The following GABRB1 variants were observed in gnomAD, a reference collection of about 807,000 sequenced individuals.
GABRB1 encodes the protein gamma-aminobutyric acid type A receptor subunit beta1.
Under a neutral mutation model 51.6 loss-of-function variants are expected in GABRB1, and 17 were observed. The observed-to-expected ratio is 0.33, with a 90% CI of 0.23 to 0.49. GABRB1 has a LOEUF of 0.49. Among genes scored for constraint, GABRB1 ranks in the 20% least tolerant of loss-of-function variants. The pLI is 0.99. For synonymous variants in GABRB1, 247 were observed against 218.9 expected, an observed-to-expected ratio of 1.13 and a Z score of -1.14; for missense variants, 410 against 600.6, an observed-to-expected ratio of 0.68 and a Z score of 3.32.
At chr4:47,126,300 A>C (rs912144653) in intron 3 of GABRB1, among the ~76,000 whole-genome samples, 1 of 152,170 alleles carries the variant, frequency 6.6e-6, no homozygotes, top group Non-Finnish European at 1.5e-5. Flanking sequence ...CAGGTTATAA[A>C]GGCTCAGTTA....
intron 4 of GABRB1, among the ~76,000 whole-genome samples, chr4:47,218,591 C>T (rs377027231): frequency 1.8e-4 from 27 of 151,812 alleles, no homozygotes; most frequent in African/African-American, 6.0e-4. Context: ...ATTATTAATG[C>T]TGAGCATTTT....
At position 47,426,007 on chromosome 4, in the gene GABRB1, T is replaced by C; in HGVS notation, c.1414T>C (p.Tyr472His). The change falls in exon 9 of 9, where the codon TAT (tyrosine) becomes CAT (histidine). Residue 472 changes from tyrosine (Y) to histidine (H), a missense_variant. Transcript: ENST00000295454. ...SLFNVVYWLY[Y>H]VH ...TTTTAATGTCGTCTATTGGCTTTAC[T>C]ATGTACACTGAGGTCTGTTCTAATG... 1.3e-6 allele frequency: 2 copies of C among 1,590,974 alleles called. No individual in the cohort carries two copies. Among genetic ancestry groups the C allele is most frequent in the Non-Finnish European group, 1.7e-6 (2 of 1,166,912 alleles).
chr4:47,422,588 C>A lies in GABRB1; in HGVS notation c.1081-3086C>A, dbSNP rs115284409. ...GACACCCTTCTCCCTCCTTGAGTTTCTCTTCATAGCAAGATGTTATTTGTT... is the reference window on the plus strand; with the variant it reads ...GACACCCTTCTCCCTCCTTGAGTTTATCTTCATAGCAAGATGTTATTTGTT... On this transcript the variant is annotated intron_variant, in intron 8 of 8. Coordinates refer to ENST00000295454, the MANE Select transcript of GABRB1 (RefSeq NM_000812.4). Among the ~76,000 whole-genome samples the A allele has an allele frequency of 9.7e-3, 1,483 of 152,256 alleles. 7 individuals carry two copies. The highest frequency in any genetic ancestry group is 0.016 in the Non-Finnish European group (1,095 of 68,006).
At chr4:47,032,721 G>T (rs748464784) in intron 3 of GABRB1, 3 of 703,046 alleles carry the variant, frequency 4.3e-6, no homozygotes, top group South Asian at 3.0e-5. Context: ...TGGGAAGGAC[G>T]AGTGACTGTT....
chr4:47,180,928 G>C (rs1402081939), intron 4 of GABRB1, among the ~76,000 whole-genome samples: 1 of 151,842 alleles, frequency 6.6e-6, no homozygotes, highest in Admixed American at 6.6e-5. Flanking sequence ...TCTTTCTATT[G>C]TATTTTAGAA....
rs1726554387 is a variant in GABRB1 at position 47,055,575 on chromosome 4, C to A, written c.240+23091C>A. ...TCTGCTAGTCTGAAGTTAAACAGAT[C>A]CCACCATAGCAGAGATGGAGCCACC... On this transcript the variant is annotated intron_variant, in intron 3 of 8. Transcript: ENST00000295454. Among the ~76,000 whole-genome samples the A allele has an allele frequency of 3.3e-5, 5 of 152,280 alleles. No homozygotes were observed. The South Asian group carries it at 1.0e-3, about 32-fold the overall frequency.
At chr4:47,294,529 G>A (rs1723887675) in intron 4 of GABRB1, among the ~76,000 whole-genome samples, 1 of 152,246 alleles carries the variant, frequency 6.6e-6, no homozygotes, top group Admixed American at 6.5e-5. Flanking sequence ...AGATCAAACT[G>A]CAAGGTGGCA....
intron 4 of GABRB1, among the ~76,000 whole-genome samples, chr4:47,267,586 G>C (rs182197192): frequency 4.7e-4 from 72 of 152,252 alleles, no homozygotes; most frequent in Non-Finnish European, 9.3e-4. Flanking sequence ...CCTGCGGTCA[G>C]GAGTTCGAGA....
chr4:47,372,975 C>T lies in GABRB1; in HGVS notation c.545-30343C>T, dbSNP rs78633934. 1.7e-3 allele frequency among the ~76,000 whole-genome samples: 253 copies of T among 152,280 alleles called. 7 individuals carry two copies. The East Asian group carries it at 0.039, about 23-fold the overall frequency. On this transcript the variant is annotated intron_variant, in intron 5 of 8. Transcript: ENST00000295454. ...TCACCAAACCTCTTTCTGCTGGACC[C>T]ACATGCCCTGCAGGTAGCCAGCCCT...
In GABRB1 at chr4:47,032,687, G is replaced by A. The variant is rs560788447; in HGVS notation, c.240+203G>A. On this transcript the variant is annotated intron_variant, in intron 3 of 8. Transcript: ENST00000295454. ...ACACACGGGCTACTGCGGTGTTCCA[G>A]GGGAAACGTGCTCGGCACTATTTTG... 165 of 714,630 alleles carry A rather than the reference G, an allele frequency of 2.3e-4. No individual in the cohort carries two copies. In the African/African-American group the frequency reaches 2.6e-3, roughly 11 times the overall value. 44.3% of individuals were successfully genotyped at this position (714,630 alleles called of 1,614,324 possible).
intron 3 of GABRB1, among the ~76,000 whole-genome samples, chr4:47,070,712 CCTT>C (rs1452098516): frequency 6.6e-6 from 1 of 152,188 alleles, no homozygotes; most frequent in Non-Finnish European, 1.5e-5. Flanking sequence ...GTCAGCCACT[CCTT>C]CTCAGCTTCC....
intron 4 of GABRB1, among the ~76,000 whole-genome samples, chr4:47,196,870 A>C (rs1399939788): frequency 6.6e-6 from 1 of 152,230 alleles, no homozygotes; most frequent in East Asian, 1.9e-4. Context: ...CACTCTGTAG[A>C]GCAGTCCTTT....
intron 3 of GABRB1, among the ~76,000 whole-genome samples, chr4:47,157,467 T>C (rs570394330): frequency 1.1e-3 from 164 of 152,254 alleles, no homozygotes; most frequent in Non-Finnish European, 1.8e-3. Flanking sequence ...CAGATGTCAC[T>C]GTTAACCTTT....
intron 3 of GABRB1, among the ~76,000 whole-genome samples, chr4:47,051,898 G>A (rs1381556311): frequency 6.6e-6 from 1 of 152,188 alleles, no homozygotes; most frequent in African/African-American, 2.4e-5. Context: ...GGAGGCCGAG[G>A]TGGGCAGATC....
At chr4:47,193,121 G>A (rs933594840) in intron 4 of GABRB1, among the ~76,000 whole-genome samples, 1 of 147,066 alleles carries the variant, frequency 6.8e-6, no homozygotes, top group Non-Finnish European at 1.5e-5. Flanking sequence ...TGAGATATGT[G>A]TTTTTTGTTG....
chr4:47,258,013 A>C (rs559647570), intron 4 of GABRB1, among the ~76,000 whole-genome samples: 27 of 152,276 alleles, frequency 1.8e-4, no homozygotes, highest in African/African-American at 6.5e-4. Context: ...AAACTTGTAC[A>C]TGATGTAGAG....
chr4:47,030,156 G>A (rs560602060), upstream of GABRB1, among the ~76,000 whole-genome samples: 61 of 152,066 alleles, frequency 4.0e-4, no homozygotes, highest in African/African-American at 1.4e-3. Flanking sequence ...TACCCATATG[G>A]TACATTTTCC....
At chr4:47,296,942 A>G (rs1487907309) in intron 4 of GABRB1, among the ~76,000 whole-genome samples, 1 of 152,240 alleles carries the variant, frequency 6.6e-6, no homozygotes, top group Admixed American at 6.5e-5. Context: ...ACTAGAACTC[A>G]GAATTAAGAA....
At chr4:47,161,536 T>A in intron 4 of GABRB1, 67 bp downstream of exon 4, 1 of 1,314,350 alleles carries the variant, frequency 7.6e-7, no homozygotes, top group Non-Finnish European at 1.1e-6. Context: ...CTTTTGGAAG[T>A]GGGCAAAGGG....
Sources: allele counts gnomAD v4.1 joint callset (sites outside exome capture counted in the v4.1 genomes callset), GRCh38; gene constraint gnomAD v4.1.1; transcripts MANE v1.5; gene names NCBI Gene and HGNC (gene_info 2026-07-23, HGNC 2026-07-21).